The following THADA variants were observed in gnomAD, a reference collection of about 807,000 sequenced individuals.
The protein encoded by THADA is THADA armadillo repeat containing, also known as tRNA (32-2'-O)-methyltransferase regulator THADA.
Under a neutral mutation model 219.8 loss-of-function variants are expected in THADA, and 213 were observed. That is an observed-to-expected ratio of 0.97 (90% CI 0.87 to 1.09). The LOEUF (loss-of-function observed/expected upper bound fraction) is 1.09. THADA is among the 50% of genes least tolerant of loss of function. The pLI is 0.00. For synonymous variants in THADA, 1,018 were observed against 828.9 expected (o/e 1.23, Z -3.92); for missense variants, 2,956 against 2,311.3 (o/e 1.28, Z -5.72).
In THADA at chr2:43,577,889, C is replaced by T. The variant is rs76915986; in HGVS notation, c.816+624G>A. Among the ~76,000 whole-genome samples the T allele has an allele frequency of 2.5e-4, 38 of 151,966 alleles. 1 individual carries two copies. In the East Asian group the frequency reaches 7.3e-3, roughly 29 times the overall value. ...TATACATTGATATGCATAATTTTAA[C>T]ATTAAAAATATCTTTTAAGATACTA... is the stretch of plus-strand genomic sequence containing the variant. On this transcript the variant is annotated intron_variant, in intron 9 of 37. Transcript: ENST00000405975.
chr2:43,511,202 T>C (rs1690395785), intron 22 of THADA, among the ~76,000 whole-genome samples: 1 of 152,144 alleles, frequency 6.6e-6, no homozygotes, highest in African/African-American at 2.4e-5. Context: ...GGGGATTTGC[T>C]ACGTAGGAAA....
intron 27 of THADA, among the ~76,000 whole-genome samples, chr2:43,429,372 G>T (rs1437315873): frequency 6.6e-6 from 1 of 152,136 alleles, no homozygotes; most frequent in Non-Finnish European, 1.5e-5. Context: ...CTCCCAAAGT[G>T]CTGGGATTAC....
chr2:43,465,475 T>G (rs2104942691), intron 26 of THADA, among the ~76,000 whole-genome samples: 1 of 152,250 alleles, frequency 6.6e-6, no homozygotes, highest in East Asian at 1.9e-4. Flanking sequence ...CTACCCAGAT[T>G]CTTGGGAGGA....
chr2:43,235,812 AT>A (rs201803796), intron 36 of THADA, among the ~76,000 whole-genome samples: 264 of 142,492 alleles, frequency 1.9e-3, no homozygotes, highest in Non-Finnish European at 2.0e-3. Flanking sequence ...ATCCTGCACC[AT>A]TTTTTTTTTT....
At chr2:43,272,977 G>A (rs1266654219) in intron 36 of THADA, among the ~76,000 whole-genome samples, 1 of 151,920 alleles carries the variant, frequency 6.6e-6, no homozygotes, top group Non-Finnish European at 1.5e-5. Context: ...GGCCAGGCAC[G>A]GTGGCTCATG....
At chr2:43,242,214 A>T (rs1187495498) in intron 36 of THADA, among the ~76,000 whole-genome samples, 1 of 152,162 alleles carries the variant, frequency 6.6e-6, no homozygotes, top group Non-Finnish European at 1.5e-5. Flanking sequence ...TATAAAACCA[A>T]CACTGGGTAC....
chr2:43,262,048 ATTTC>A (rs796737431), intron 36 of THADA, among the ~76,000 whole-genome samples: 24 of 152,274 alleles, frequency 1.6e-4, no homozygotes, highest in African/African-American at 5.8e-4. Context: ...CTGGGTGTGC[ATTTC>A]TTTATTTTCA....
chr2:43,384,012 C>A (rs1323488389), intron 29 of THADA, among the ~76,000 whole-genome samples: 1 of 152,108 alleles, frequency 6.6e-6, no homozygotes, highest in East Asian at 1.9e-4. Context: ...AGGCTACCCC[C>A]CTACCCCAGC....
At chr2:43,353,730 A>G (rs1363145462) in intron 29 of THADA, among the ~76,000 whole-genome samples, 2 of 151,978 alleles carry the variant, frequency 1.3e-5, no homozygotes, top group African/African-American at 4.8e-5. Flanking sequence ...ATCTTGGCTC[A>G]CTGCAACCTC....
chr2:43,235,484 G>T (rs920052253), intron 36 of THADA, among the ~76,000 whole-genome samples: 1 of 151,868 alleles, frequency 6.6e-6, no homozygotes, highest in African/African-American at 2.4e-5. Context: ...GTAGAGACGG[G>T]GTTTCTCCAT....
rs190833833 is a variant in THADA, at chr2:43,369,957, A to G, written c.4228-25720T>C. Among the ~76,000 whole-genome samples, 58 of 152,334 alleles carry G rather than the reference A, an allele frequency of 3.8e-4. 1 individual carries two copies. Among genetic ancestry groups the G allele is most frequent in the African/African-American group, 1.4e-3 (57 of 41,582 alleles). ...TCAGGTTTGTTGGTTGTGTCTCCCC[A>G]ACCATGCTGTAAGATCCCAGTGAAG... is the stretch of plus-strand genomic sequence containing the variant. On this transcript the variant is annotated intron_variant, in intron 29 of 37. Transcript: ENST00000405975.
intron 22 of THADA, among the ~76,000 whole-genome samples, chr2:43,523,142 A>G (rs1188340579): frequency 2.6e-5 from 4 of 152,016 alleles, no homozygotes; most frequent in Non-Finnish European, 5.9e-5. Context: ...GAGGTGGGAT[A>G]CTGCTTGAGC....
At chr2:43,502,230 T>C (rs1418161767) in intron 24 of THADA, among the ~76,000 whole-genome samples, 3 of 152,158 alleles carry the variant, frequency 2.0e-5, no homozygotes, top group Admixed American at 6.6e-5. Flanking sequence ...AATAATAATA[T>C]GGTTTCATTT....
intron 25 of THADA, among the ~76,000 whole-genome samples, chr2:43,490,260 T>C (rs932523662): frequency 2.0e-5 from 3 of 152,206 alleles, no homozygotes; most frequent in East Asian, 1.9e-4. Flanking sequence ...GATTTTTCTA[T>C]ATTTAAGATC....
intron 23 of THADA, among the ~76,000 whole-genome samples, chr2:43,507,528 C>T (rs148117243): frequency 6.6e-6 from 1 of 152,078 alleles, no homozygotes; most frequent in Non-Finnish European, 1.5e-5. Flanking sequence ...CTGAAGGTCA[C>T]CAAAATCCAT....
chr2:43,592,554 A>G (rs1361335165), intron 1 of THADA, 138 bp from the exon 2 acceptor site: 2 of 501,058 alleles, frequency 4.0e-6, no homozygotes, highest in East Asian at 3.3e-5. Flanking sequence ...TACCCACTAG[A>G]TGCCAGTGGC....
chr2:43,273,281 A>C (rs1408708960), intron 36 of THADA, among the ~76,000 whole-genome samples: 1 of 152,098 alleles, frequency 6.6e-6, no homozygotes, highest in South Asian at 2.1e-4. Context: ...AAAAAAAAAA[A>C]AAAGAAGAAA....
chr2:43,552,206 T>C lies in THADA; in HGVS notation c.2808A>G (p.Leu936=). The change falls in exon 18 of 38, where the codon CTA becomes CTG. Residue 936 remains leucine, a splice_region_variant and synonymous_variant. Transcript: ENST00000405975. Reference sequence around the variant, plus strand: ...GAGGCAGCTGTGGAAATCCTTACTTTAGAGATAACTTCTGCAAAGCTCCTG... The same window carrying C: ...GAGGCAGCTGTGGAAATCCTTACTTCAGAGATAACTTCTGCAAAGCTCCTG... ...CITGALQKLS[L]NSLQLVSEWR... 6.2e-7 allele frequency: 1 copy of C among 1,606,800 alleles called. No individual in the cohort carries two copies. Among genetic ancestry groups the C allele is most frequent in the Non-Finnish European group, 8.5e-7 (1 of 1,177,524 alleles).
intron 28 of THADA, among the ~76,000 whole-genome samples, chr2:43,415,117 G>A (rs1211873120): frequency 1.3e-5 from 2 of 152,132 alleles, no homozygotes; most frequent in African/African-American, 4.8e-5. Context: ...CAAAACCAAA[G>A]AAACGTAAAC....
Sources: allele counts gnomAD v4.1 joint callset (sites outside exome capture counted in the v4.1 genomes callset), GRCh38; gene constraint gnomAD v4.1.1; transcripts MANE v1.5; gene names NCBI Gene and HGNC (gene_info 2026-07-23, HGNC 2026-07-21).